SEMA5A: variants seen among roughly 807,000 people sequenced by gnomAD.
SEMA5A encodes the protein semaphorin-5A.
A neutral mutation model predicts 135.5 loss-of-function variants in SEMA5A; 55 were observed. The observed-to-expected ratio is 0.41, with a 90% CI of 0.33 to 0.51. The LOEUF (loss-of-function observed/expected upper bound fraction) is 0.51, where lower values mean the gene tolerates loss of function less well. Ranked by LOEUF, SEMA5A falls within the 20% of genes least tolerant of loss-of-function variation. SEMA5A has a pLI of 0.37. For missense variants in SEMA5A, 1,290 were observed against 1,419.9 expected, an observed-to-expected ratio of 0.91 and a Z score of 1.47; for synonymous variants, 580 against 546.5, an observed-to-expected ratio of 1.06 and a Z score of -0.85.
chr5:9,142,754 G>A (rs1742134251), intron 12 of SEMA5A, among the ~76,000 whole-genome samples: 1 of 152,162 alleles, frequency 6.6e-6, no homozygotes, highest in Non-Finnish European at 1.5e-5. Context: ...ATCATTTGAG[G>A]TCAGGAGTTC....
At chr5:9,103,219 T>A (rs1221106439) in intron 16 of SEMA5A, among the ~76,000 whole-genome samples, 2 of 152,114 alleles carry the variant, frequency 1.3e-5, no homozygotes, top group Admixed American at 6.5e-5. Flanking sequence ...ATTTTCTCAT[T>A]TGGAAAATCA....
At chr5:9,497,963 G>A (rs987982444) in intron 1 of SEMA5A, among the ~76,000 whole-genome samples, 2 of 152,236 alleles carry the variant, frequency 1.3e-5, no homozygotes, top group African/African-American at 2.4e-5. Context: ...GCTGTATACA[G>A]AGATGTATGC....
At chr5:9,044,702 T>A in intron 21 of SEMA5A, 118 bp from the exon 22 acceptor site, 1 of 787,706 alleles carries the variant, frequency 1.3e-6, no homozygotes, top group Non-Finnish European at 2.0e-6. Context: ...ATTCCAAAAT[T>A]AAGGAAATTA....
At chr5:9,206,749 C>T (rs924445122) in intron 8 of SEMA5A, among the ~76,000 whole-genome samples, 4 of 151,656 alleles carry the variant, frequency 2.6e-5, no homozygotes, top group Non-Finnish European at 5.9e-5. Flanking sequence ...AGTCAAAAGT[C>T]GCCTTGTGAG....
At chr5:9,064,925 T>C (rs1737383052) in intron 17 of SEMA5A, among the ~76,000 whole-genome samples, 1 of 152,236 alleles carries the variant, frequency 6.6e-6, no homozygotes, top group Admixed American at 6.5e-5. Context: ...TCATCCTTTA[T>C]AAAATGTGCA....
intron 13 of SEMA5A, 66 bp from the exon 14 acceptor site, chr5:9,122,903 T>G: frequency 2.9e-6 from 4 of 1,360,168 alleles, no homozygotes; most frequent in Non-Finnish European, 4.0e-6. Context: ...GGAGTAAAAA[T>G]TAAAAATCCC....
At chr5:9,318,234 C>T in intron 5 of SEMA5A, 138 bp downstream of exon 5, 1 of 678,648 alleles carries the variant, frequency 1.5e-6, no homozygotes, top group Non-Finnish European at 2.5e-6. Context: ...CGCCTTAGTC[C>T]CGTGGCCTGA....
Position 9,391,997 on chromosome 5 carries a change from G to A in SEMA5A, c.-77-11974C>T, listed in dbSNP as rs138153977. Among the ~76,000 whole-genome samples the A allele has an allele frequency of 1.0e-3, 152 of 152,124 alleles. 1 individual carries two copies. Among genetic ancestry groups the A allele is most frequent in the Non-Finnish European group, 2.2e-4 (15 of 68,002 alleles). ...CACACACACATATGCACATGCACGCGTGTGCATGGAACTGCTTTCTGGTCT... is the reference window on the plus strand; with the variant it reads ...CACACACACATATGCACATGCACGCATGTGCATGGAACTGCTTTCTGGTCT... On this transcript the variant is annotated intron_variant, in intron 2 of 22. Transcript: ENST00000382496.
At chr5:9,311,145 A>C (rs1561133991) in intron 5 of SEMA5A, among the ~76,000 whole-genome samples, 1 of 73,232 alleles carries the variant, frequency 1.4e-5, no homozygotes, top group South Asian at 4.9e-4. Flanking sequence ...ATTTCGCTCA[A>C]CGGGGGGGTC....
At chr5:9,321,225 C>G (rs1174953169) in intron 4 of SEMA5A, among the ~76,000 whole-genome samples, 1 of 152,174 alleles carries the variant, frequency 6.6e-6, no homozygotes, top group Non-Finnish European at 1.5e-5. Context: ...TGAGCCCTCC[C>G]AGCCATGTAT....
chr5:9,283,032 A>T (rs891967242), intron 5 of SEMA5A, among the ~76,000 whole-genome samples: 1 of 152,188 alleles, frequency 6.6e-6, no homozygotes, highest in Non-Finnish European at 1.5e-5. Flanking sequence ...ACCAATTTTG[A>T]ACTTCTGGCA....
At chr5:9,228,466 C>G (rs970188698) in intron 6 of SEMA5A, among the ~76,000 whole-genome samples, 1 of 152,198 alleles carries the variant, frequency 6.6e-6, no homozygotes, top group Non-Finnish European at 1.5e-5. Flanking sequence ...GAGCCTGAAA[C>G]AGGCCAAGTG....
intron 2 of SEMA5A, among the ~76,000 whole-genome samples, chr5:9,413,232 G>C (rs1757165493): frequency 6.6e-6 from 1 of 152,128 alleles, no homozygotes; most frequent in Non-Finnish European, 1.5e-5. Flanking sequence ...CATGGGAATG[G>C]TTTACAGGAG....
intron 5 of SEMA5A, among the ~76,000 whole-genome samples, chr5:9,263,726 T>C (rs1392549469): frequency 1.3e-5 from 2 of 152,240 alleles, no homozygotes; most frequent in Admixed American, 1.3e-4. Context: ...TACTTTGCCA[T>C]GTGATTCCAT....
At chr5:9,257,950 T>C (rs1357839161) in intron 5 of SEMA5A, among the ~76,000 whole-genome samples, 2 of 152,128 alleles carry the variant, frequency 1.3e-5, no homozygotes, top group Non-Finnish European at 2.9e-5. Flanking sequence ...TTAGGGTGTT[T>C]TGTTTCCTTC....
At chr5:9,085,395 C>T (rs188986698) in intron 16 of SEMA5A, among the ~76,000 whole-genome samples, 73 of 152,272 alleles carry the variant, frequency 4.8e-4, no homozygotes, top group African/African-American at 1.6e-3. Flanking sequence ...GGGCTGGGCC[C>T]GGGGTCCCTG....
At chr5:9,230,206 C>T (rs1033324279) in intron 6 of SEMA5A, among the ~76,000 whole-genome samples, 4 of 132,076 alleles carry the variant, frequency 3.0e-5, no homozygotes, top group Non-Finnish European at 6.1e-5. Context: ...CATTATGTTG[C>T]CCAGGCTGGT....
At chr5:9,476,256 C>G (rs1447887423) in intron 1 of SEMA5A, among the ~76,000 whole-genome samples, 1 of 152,058 alleles carries the variant, frequency 6.6e-6, no homozygotes, top group African/African-American at 2.4e-5. Context: ...AGATAAATCC[C>G]CAGAAGTGGA....
intron 2 of SEMA5A, among the ~76,000 whole-genome samples, chr5:9,430,644 T>C (rs1033766498): frequency 8.5e-5 from 13 of 152,124 alleles, no homozygotes; most frequent in Non-Finnish European, 1.9e-4. Context: ...GGGTCGATGG[T>C]ATAAAAGCTG....
Sources: gnomAD v4.1 joint callset for allele counts (sites outside exome capture counted in the v4.1 genomes callset) on GRCh38, gnomAD v4.1.1 for gene constraint, MANE v1.5 for transcripts, NCBI Gene and HGNC (gene_info 2026-07-23, HGNC 2026-07-21) for gene names.